GPC3: variants seen among roughly 807,000 people sequenced by gnomAD.
The protein encoded by GPC3 is glypican 3, also known as glypican-3.
GPC3 carries 3 observed loss-of-function variants against 34.4 expected under a neutral mutation model. The observed-to-expected ratio is 0.09, with a 90% CI of 0.04 to 0.23. The LOEUF is 0.23. GPC3 is among the 10% of genes least tolerant of loss of function. The pLI, the probability that GPC3 is intolerant of heterozygous loss-of-function variation, is 1.00. For missense variants in GPC3, 351 were observed against 445.6 expected (o/e 0.79, Z 1.91); for synonymous variants, 177 against 174.0 (o/e 1.02, Z -0.13).
At chrX:133,775,802 A>G (rs902929404) in intron 2 of GPC3, among the ~76,000 whole-genome samples, 1 of 112,061 alleles carries the variant, frequency 8.9e-6, no homozygotes, top group African/African-American at 3.2e-5. Flanking sequence ...GCCATCTCTG[A>G]GAATCATAAG....
chrX:133,645,207 C>A (rs964976937), intron 6 of GPC3, among the ~76,000 whole-genome samples: 1 of 111,879 alleles, frequency 8.9e-6, no homozygotes, highest in Non-Finnish European at 1.9e-5. Context: ...TTGCCATCAT[C>A]CAGAATAATA....
At chrX:133,739,480 T>C (rs1024030265) in intron 3 of GPC3, among the ~76,000 whole-genome samples, 12 of 111,754 alleles carry the variant, frequency 1.1e-4, no homozygotes, top group Non-Finnish European at 1.9e-5. Flanking sequence ...CCCCATTCTA[T>C]AGTTGAAGCA....
At chrX:133,872,945 T>C (rs757566196) in intron 2 of GPC3, among the ~76,000 whole-genome samples, 1 of 112,899 alleles carries the variant, frequency 8.9e-6, no homozygotes, top group South Asian at 3.7e-4. Context: ...TAGTGGCAAG[T>C]GCCAAGATGG....
intron 2 of GPC3, among the ~76,000 whole-genome samples, chrX:133,940,991 G>A (rs1603276039): frequency 8.9e-6 from 1 of 112,336 alleles, no homozygotes; most frequent in African/African-American, 3.2e-5. Flanking sequence ...ACAATGCTAA[G>A]CCACTGATTT....
intron 1 of GPC3, among the ~76,000 whole-genome samples, chrX:133,973,731 CAT>C (rs1246817883): frequency 2.7e-5 from 3 of 112,432 alleles, no homozygotes; most frequent in African/African-American, 9.7e-5. Context: ...CTTGGAACCA[CAT>C]GTTTCAGAGA....
chrX:133,881,583 G>C (rs1394251992), intron 2 of GPC3, among the ~76,000 whole-genome samples: 1 of 112,403 alleles, frequency 8.9e-6, no homozygotes, highest in Non-Finnish European at 1.9e-5. Context: ...TGATCATCAT[G>C]TATGTTTCAC....
chrX:133,859,766 T>C (rs1369197816), intron 2 of GPC3, among the ~76,000 whole-genome samples: 2 of 112,197 alleles, frequency 1.8e-5, no homozygotes, highest in East Asian at 5.6e-4. Flanking sequence ...AAGTAAATAC[T>C]TATGTGTGTT....
At chrX:133,835,542 C>A (rs1473831427) in intron 2 of GPC3, among the ~76,000 whole-genome samples, 1 of 111,814 alleles carries the variant, frequency 8.9e-6, no homozygotes, top group Non-Finnish European at 1.9e-5. Flanking sequence ...TACCACTGAC[C>A]TGGAGAGGGA....
intron 2 of GPC3, among the ~76,000 whole-genome samples, chrX:133,760,436 T>C (rs1450084493): frequency 1.8e-5 from 2 of 111,864 alleles, no homozygotes; most frequent in African/African-American, 6.5e-5. Context: ...TGGAATACTA[T>C]TCAGTAATAA....
chrX:133,887,745 T>C (rs892920992), intron 2 of GPC3, among the ~76,000 whole-genome samples: 1 of 111,662 alleles, frequency 9.0e-6, no homozygotes, highest in African/African-American at 3.3e-5. Context: ...TGCAAATATT[T>C]TCTCCCAATC....
intron 3 of GPC3, among the ~76,000 whole-genome samples, chrX:133,719,931 A>G (rs2071347054): frequency 8.9e-6 from 1 of 112,659 alleles, no homozygotes; most frequent in African/African-American, 3.2e-5. Flanking sequence ...AAAAGAAGAC[A>G]AACAAATAGC....
intron 6 of GPC3, among the ~76,000 whole-genome samples, chrX:133,623,273 T>C (rs752122994): frequency 2.0e-4 from 22 of 111,708 alleles, no homozygotes; most frequent in South Asian, 1.5e-3. Flanking sequence ...AATAACCAGA[T>C]AACATCATAT....
At chrX:133,728,053 C>T (rs746328674) in intron 3 of GPC3, among the ~76,000 whole-genome samples, 1 of 111,932 alleles carries the variant, frequency 8.9e-6, no homozygotes, top group African/African-American at 3.2e-5. Flanking sequence ...GGAAACAAGC[C>T]TTCTAGGTTC....
intron 3 of GPC3, among the ~76,000 whole-genome samples, chrX:133,727,493 T>C (rs2071421103): frequency 9.1e-6 from 1 of 109,795 alleles, no homozygotes; most frequent in Non-Finnish European, 1.9e-5. Flanking sequence ...GAGGTTGCAG[T>C]GGGCCGAGAT....
intron 2 of GPC3, among the ~76,000 whole-genome samples, chrX:133,783,733 G>A (rs760223753): frequency 2.3e-4 from 26 of 112,015 alleles, no homozygotes; most frequent in Non-Finnish European, 3.8e-4. Flanking sequence ...ACTATTTTCA[G>A]AGGAGCCATA....
intron 1 of GPC3, among the ~76,000 whole-genome samples, chrX:133,975,829 T>C (rs2076512300): frequency 8.9e-6 from 1 of 112,449 alleles, no homozygotes; most frequent in Admixed American, 9.4e-5. Flanking sequence ...GTTCCTTTTC[T>C]GCAAATTTCC....
chrX:133,660,917 C>G (rs1446468907), intron 6 of GPC3, among the ~76,000 whole-genome samples: 1 of 111,733 alleles, frequency 8.9e-6, no homozygotes, highest in East Asian at 2.8e-4. Context: ...ACCTGTAGTC[C>G]TAGCACTTTG....
At chrX:133,814,609 C>G (rs1266251773) in intron 2 of GPC3, among the ~76,000 whole-genome samples, 2 of 110,422 alleles carry the variant, frequency 1.8e-5, no homozygotes, top group African/African-American at 6.6e-5. Context: ...ACTCTATTGC[C>G]CAGGCTGGAG....
intron 2 of GPC3, among the ~76,000 whole-genome samples, chrX:133,864,337 CTCTG>C (rs2075956718): frequency 8.9e-6 from 1 of 111,838 alleles, no homozygotes; most frequent in East Asian, 2.8e-4. Context: ...CAGGGATTGA[CTCTG>C]AAGAAATTTC....
Sources: allele counts gnomAD v4.1 joint callset (sites outside exome capture counted in the v4.1 genomes callset), GRCh38; gene constraint gnomAD v4.1.1; transcripts MANE v1.5; gene names NCBI Gene and HGNC (gene_info 2026-07-23, HGNC 2026-07-21).